NTAQ1: variants seen among roughly 807,000 people sequenced by gnomAD.
NTAQ1 encodes the protein N-terminal glutamine amidase 1, also known as protein N-terminal glutamine amidohydrolase.
In NTAQ1, 21 loss-of-function variants were observed where a neutral mutation model predicts 28.2. That is an observed-to-expected ratio of 0.74 (90% confidence interval 0.53 to 1.07). NTAQ1 has a LOEUF of 1.07. NTAQ1 is among the 50% of genes least tolerant of loss of function. The pLI is 0.00. For missense variants in NTAQ1, 264 were observed against 256.6 expected (o/e 1.03, Z -0.20); for synonymous variants, 105 against 90.0 (o/e 1.17, Z -0.94).
At chr8:123,464,113 C>G (rs539864995) in intron 6 of NTAQ1, among the ~76,000 whole-genome samples, 6 of 152,166 alleles carry the variant, frequency 3.9e-5, no homozygotes, top group Non-Finnish European at 8.8e-5. Flanking sequence ...TCCATTAAAC[C>G]TCTTTCCTTT....
chr8:123,422,184 A>G (rs1245031364), intron 1 of NTAQ1, among the ~76,000 whole-genome samples: 5 of 151,660 alleles, frequency 3.3e-5, no homozygotes, highest in Admixed American at 6.6e-5. Flanking sequence ...TTGCTTGTTT[A>G]TTTAAGTTCC....
At chr8:123,435,587 G>A in intron 3 of NTAQ1, 2 of 950,066 alleles carry the variant, frequency 2.1e-6, no homozygotes, top group African/African-American at 1.8e-5. Context: ...AGCAGGTGGG[G>A]CCGGCACTGT....
At position 123,436,496 on chromosome 8, in the gene NTAQ1, A is replaced by G. The variant is rs7014678; in HGVS notation, c.278A>G (p.Asn93Ser). 578,118 of 1,612,190 alleles carry G rather than the reference A, an allele frequency of 0.36. 105,501 individuals carry two copies. The highest frequency in any genetic ancestry group is 0.57 in the East Asian group (25,669 of 44,800). ...VLLHVSSGGQNFIYDLDTVLP... is the reference protein window; with the variant it reads ...VLLHVSSGGQSFIYDLDTVLP... ...CTTCATGTTTCAAGTGGAGGACAGAACTTCATTTATGATCTCGATACTGTC... is the reference window on the plus strand; with the variant it reads ...CTTCATGTTTCAAGTGGAGGACAGAGCTTCATTTATGATCTCGATACTGTC... Residue 93 changes from asparagine to serine, a missense_variant, in exon 4 of 6, where the codon AAC (asparagine) becomes AGC (serine). Transcript: ENST00000287387.
intron 6 of NTAQ1, among the ~76,000 whole-genome samples, chr8:123,456,602 G>T (rs557181781): frequency 2.0e-5 from 3 of 152,162 alleles, no homozygotes; most frequent in African/African-American, 7.2e-5. Context: ...CGAAGGCACC[G>T]TCAGGAGTTG....
At chr8:123,428,848 T>G (rs1370322762) in intron 2 of NTAQ1, among the ~76,000 whole-genome samples, 1 of 152,176 alleles carries the variant, frequency 6.6e-6, no homozygotes, top group Non-Finnish European at 1.5e-5. Flanking sequence ...GTGACCTGTC[T>G]GCCTTGGCCT....
intron 6 of NTAQ1, among the ~76,000 whole-genome samples, chr8:123,466,218 C>G (rs989084285): frequency 3.9e-5 from 6 of 152,082 alleles, no homozygotes; most frequent in African/African-American, 1.4e-4. Flanking sequence ...TGAGAGGCAG[C>G]TTTATATAGC....
chr8:123,416,957 T>C, intron 1 of NTAQ1, 25 bp downstream of exon 1: 1 of 1,446,580 alleles, frequency 6.9e-7, no homozygotes. Flanking sequence ...GCGCAGCCTC[T>C]GGGTCTCCCA....
downstream of NTAQ1, among the ~76,000 whole-genome samples, chr8:123,442,832 C>T (rs1451422444): frequency 6.7e-6 from 1 of 150,150 alleles, no homozygotes; most frequent in Non-Finnish European, 1.5e-5. Flanking sequence ...CCATGCCCAG[C>T]GAATTTTTGT....
At chr8:123,461,539 C>T (rs1189271084) in intron 6 of NTAQ1, among the ~76,000 whole-genome samples, 2 of 152,146 alleles carry the variant, frequency 1.3e-5, no homozygotes, top group African/African-American at 4.8e-5. Context: ...CCCAGCTTTC[C>T]TTAGCCCCAG....
chr8:123,419,733 G>GCCCTCCCTCCCTTCCTCCCTCCCT (rs1554650339), intron 1 of NTAQ1, among the ~76,000 whole-genome samples: 4 of 71,298 alleles, frequency 5.6e-5, no homozygotes, highest in African/African-American at 2.1e-4. Flanking sequence ...CAAATCCACA[G>GCCCTCCCTCCCTTCCTCCCTCCCT]CCCTCCCTCC....
chr8:123,445,778 G>C (rs1312626908), downstream of NTAQ1, among the ~76,000 whole-genome samples: 1 of 151,398 alleles, frequency 6.6e-6, no homozygotes, highest in Non-Finnish European at 1.5e-5. Flanking sequence ...GCTAATTTTT[G>C]TATTTTTAAT....
chr8:123,440,623 C>T (rs1815006424), intron 5 of NTAQ1, among the ~76,000 whole-genome samples: 1 of 151,728 alleles, frequency 6.6e-6, no homozygotes, highest in South Asian at 2.1e-4. Context: ...TCTCAGCCTC[C>T]TAAGTAGCTG....
chr8:123,463,838 C>T lies in NTAQ1; in HGVS notation c.373-3241C>T, dbSNP rs145270875. Among the ~76,000 whole-genome samples the T allele has an allele frequency of 2.1e-3, 313 of 152,264 alleles. 2 individuals carry two copies. Among genetic ancestry groups the T allele is most frequent in the African/African-American group, 7.1e-3 (297 of 41,558 alleles). ...GGGATGGTGATATTTGGTTGTGTCC[C>T]CACCCAAATCTCATCTTGAATTGTA... is the stretch of plus-strand genomic sequence containing the variant. On this transcript the variant is annotated intron_variant, in intron 6 of 6. Coordinates refer to the NTAQ1 transcript ENST00000650311.
intron 3 of NTAQ1, among the ~76,000 whole-genome samples, chr8:123,430,894 A>ACTC (rs1586939896): frequency 6.6e-6 from 1 of 151,852 alleles, no homozygotes; most frequent in Admixed American, 6.6e-5. Context: ...ATACGGATCT[A>ACTC]CTCCCACCCC....
chr8:123,422,199 A>G (rs1813741519), intron 1 of NTAQ1, among the ~76,000 whole-genome samples: 1 of 151,616 alleles, frequency 6.6e-6, no homozygotes, highest in African/African-American at 2.4e-5. Context: ...AGTTCCTTAT[A>G]GATTCTGGAT....
chr8:123,432,300 G>A (rs1206859681), intron 3 of NTAQ1, among the ~76,000 whole-genome samples: 2 of 152,160 alleles, frequency 1.3e-5, no homozygotes, highest in Non-Finnish European at 2.9e-5. Flanking sequence ...AAAAGTCTAT[G>A]ACATCACAAA....
intron 6 of NTAQ1, among the ~76,000 whole-genome samples, chr8:123,459,002 C>T (rs986516150): frequency 2.0e-5 from 3 of 150,830 alleles, no homozygotes; most frequent in Non-Finnish European, 4.4e-5. Context: ...TGCTTGAACC[C>T]AGGGGGCGGA....
At chr8:123,428,106 A>G (rs1814177060) in intron 2 of NTAQ1, 83 bp downstream of exon 2, 4 of 952,628 alleles carry the variant, frequency 4.2e-6, no homozygotes, top group Non-Finnish European at 6.4e-6. Context: ...AAAGCTAAAT[A>G]TAGCATGGGT....
At chr8:123,416,964 C>G (rs1266032498) in intron 1 of NTAQ1, 32 bp downstream of exon 1, 4 of 1,420,920 alleles carry the variant, frequency 2.8e-6, no homozygotes, top group Non-Finnish European at 3.7e-6. Flanking sequence ...CTCTGGGTCT[C>G]CCAGGCTCCC....
Sources: allele counts gnomAD v4.1 joint callset (sites outside exome capture counted in the v4.1 genomes callset), GRCh38; gene constraint gnomAD v4.1.1; transcripts MANE v1.5; gene names NCBI Gene and HGNC (gene_info 2026-07-23, HGNC 2026-07-21).